PHLDB1: variants seen among roughly 807,000 people sequenced by gnomAD.
PHLDB1 encodes pleckstrin homology-like domain family B member 1.
In PHLDB1, 65 loss-of-function variants were observed where a neutral mutation model predicts 139.3. That is an observed-to-expected ratio of 0.47 (90% confidence interval 0.38 to 0.57). PHLDB1 has a LOEUF of 0.57. Ranked by LOEUF, PHLDB1 falls within the 20% of genes least tolerant of loss-of-function variation. PHLDB1 has a pLI of 0.00. For synonymous variants in PHLDB1, 679 were observed against 734.5 expected (o/e 0.92, Z 1.22); for missense variants, 1,624 against 1,839.7 (o/e 0.88, Z 2.14).
At chr11:118,646,307 C>T (rs1555128810) in intron 17 of PHLDB1, 1 of 147,762 alleles carries the variant, frequency 6.8e-6, no homozygotes, top group Non-Finnish European at 1.5e-5. Flanking sequence ...CTCAAACAGG[C>T]TTAGGGAGGC....
chr11:118,639,112 C>A (rs1303378680), intron 11 of PHLDB1, 50 bp from the exon 12 acceptor site: 9 of 1,580,280 alleles, frequency 5.7e-6, no homozygotes, highest in Non-Finnish European at 7.8e-6. Flanking sequence ...CCCCCTCACA[C>A]AGTCTCCTGG....
intron 2 of PHLDB1, 24 bp from the exon 3 acceptor site, chr11:118,614,535 G>C: frequency 6.2e-7 from 1 of 1,612,810 alleles, no homozygotes; most frequent in Non-Finnish European, 8.5e-7. Flanking sequence ...AATGATGCTT[G>C]TCCTCCACCC....
At position 118,627,376 on chromosome 11, in the gene PHLDB1, A is replaced by G. The variant is rs782215373; in HGVS notation, c.553A>G (p.Ser185Gly). The G allele has an allele frequency of 2.0e-5, 33 of 1,614,126 alleles. No individual in the cohort carries two copies. Among genetic ancestry groups the G allele is most frequent in the Non-Finnish European group, 2.8e-5 (33 of 1,179,954 alleles). Residue 185 changes from serine (S) to glycine (G), a missense_variant, in exon 6 of 23, where the codon AGC becomes GGC. By Grantham distance (56) the Ser-to-Gly change is moderately conservative. Transcript: ENST00000600882. ...TATRGPSACA[S>G]HSSLVSSIEK... is the part of the protein sequence containing the mutation. ...AACACGGGGACCCTCTGCCTGTGCC[A>G]GCCACAGTTCCCTGGTGAGCTCTAT... is the stretch of plus-strand genomic sequence containing the variant.
rs147578190 is a variant in PHLDB1 at position 118,626,917 on chromosome 11, A to G, written c.482-388A>G. On this transcript the variant is annotated intron_variant, in intron 5 of 22. Coordinates refer to ENST00000600882, the MANE Select transcript of PHLDB1 (RefSeq NM_001144758.3). ...TGATCTGCCCGCCTTGGCCTCCCCA[A>G]GTGTTGGGATTACAGGCGTGAGCCA... 8.0e-3 allele frequency: 1,764 copies of G among 219,572 alleles called. 45 individuals carry two copies. The highest frequency in any genetic ancestry group is 0.04 in the African/African-American group (1,670 of 42,276). The allele number at this position is 219,572 out of a possible 1,614,324, so 13.6% of individuals were successfully genotyped here.
At chr11:118,639,430 G>C in intron 12 of PHLDB1, 179 bp downstream of exon 12, 2 of 623,016 alleles carry the variant, frequency 3.2e-6, no homozygotes, top group Non-Finnish European at 5.8e-6. Flanking sequence ...GCTGCCAGCT[G>C]CCTCTGTTTA....
In PHLDB1 at chr11:118,614,541, C is replaced by T. The variant is rs782140217; in HGVS notation, c.61-18C>T. 7 of 1,613,038 alleles carry T rather than the reference C, an allele frequency of 4.3e-6. No individual in the cohort carries two copies. In the African/African-American group the frequency reaches 9.4e-5, roughly 22 times the overall value. ...GCTGAATCTAATGATGCTTGTCCTCCACCCGTACTACCTACAGAAAGGACC... is the reference window on the plus strand; with the variant it reads ...GCTGAATCTAATGATGCTTGTCCTCTACCCGTACTACCTACAGAAAGGACC... On this transcript the variant is annotated intron_variant, in intron 2 of 22. Coordinates refer to ENST00000600882, the MANE Select transcript of PHLDB1 (RefSeq NM_001144758.3).
intron 4 of PHLDB1, among the ~76,000 whole-genome samples, chr11:118,623,917 T>TGTGTGTGA (rs57599971): frequency 7.6e-4 from 110 of 144,382 alleles, no homozygotes; most frequent in East Asian, 6.6e-3. Context: ...TGTGTGTGTG[T>TGTGTGTGA]GAGACGGAGT....
rs1223945591 is a variant in PHLDB1, at chr11:118,610,012, T to A, written c.-22+2313T>A. 6.7e-6 allele frequency among the ~76,000 whole-genome samples: 1 copy of A among 149,220 alleles called. No homozygotes were observed. Among genetic ancestry groups the A allele is most frequent in the African/African-American group, 2.5e-5 (1 of 40,154 alleles). The stretch of plus-strand genomic sequence containing the variant: ...CCCAGCCTCCCTCTCCTTCGCCCCA[T>A]CTCCCCGCCCGTCAGCCTCCCCTCC... On this transcript the variant is annotated intron_variant, in intron 1 of 22. Coordinates refer to ENST00000600882, the MANE Select transcript of PHLDB1 (RefSeq NM_001144758.3). The surrounding 1 kb of genome is among the most constrained non-coding windows in gnomAD (Gnocchi z 8.7).
At chr11:118,630,681 T>C (rs1303749323) in intron 6 of PHLDB1, among the ~76,000 whole-genome samples, 1 of 152,146 alleles carries the variant, frequency 6.6e-6, no homozygotes. Context: ...TGCCTATTAA[T>C]GCAGGGCCAG....
At chr11:118,631,131 G>T in intron 6 of PHLDB1, 76 bp from the exon 7 acceptor site, 1 of 1,277,094 alleles carries the variant, frequency 7.8e-7, no homozygotes. Flanking sequence ...CTCCTGACAG[G>T]ATACTGAACC....
chr11:118,635,152 C>T (rs1945433321), intron 9 of PHLDB1: 1 of 582,254 alleles, frequency 1.7e-6, no homozygotes, highest in East Asian at 3.0e-5. Flanking sequence ...GCAGTACCTG[C>T]CGGACACCAG....
intron 2 of PHLDB1, 150 bp from the exon 3 acceptor site, chr11:118,614,409 T>C: frequency 1.4e-6 from 1 of 700,862 alleles, no homozygotes; most frequent in South Asian, 2.0e-5. Context: ...AGTGGAATCA[T>C]GCTCTGTGTA....
chr11:118,644,753 T>G (rs956165390), intron 15 of PHLDB1: 5 of 1,113,686 alleles, frequency 4.5e-6, no homozygotes, highest in Non-Finnish European at 6.0e-6. Context: ...GGCATCAGCA[T>G]GATGTGTCCT....
Position 118,635,555 on chromosome 11 carries a change from C to T in PHLDB1, c.2535+7C>T. ...CAGCATCGCCAAGAGGAAGGTGTGCCCCACCTCGTTCCCTGCTGCGTGCTG... is the reference window on the plus strand; with the variant it reads ...CAGCATCGCCAAGAGGAAGGTGTGCTCCACCTCGTTCCCTGCTGCGTGCTG... On this transcript the variant is annotated splice_region_variant and intron_variant, in intron 10 of 22. Coordinates refer to ENST00000600882, the MANE Select transcript of PHLDB1 (RefSeq NM_001144758.3). 1 of 1,525,098 alleles carries T rather than the reference C, an allele frequency of 6.6e-7. No homozygotes were observed. Among genetic ancestry groups the T allele is most frequent in the South Asian group, 1.3e-5 (1 of 77,322 alleles). 94.5% of individuals were successfully genotyped at this position (1,525,098 alleles called of 1,614,324 possible).
chr11:118,629,245 A>C (rs1376796930), intron 6 of PHLDB1, among the ~76,000 whole-genome samples: 1 of 152,206 alleles, frequency 6.6e-6, no homozygotes, highest in African/African-American at 2.4e-5. Flanking sequence ...GGCAGGGTAG[A>C]GGGACAGAGC....
At chr11:118,630,212 A>T in intron 6 of PHLDB1, 1 of 478,978 alleles carries the variant, frequency 2.1e-6, no homozygotes. Context: ...AGCCTCACAA[A>T]CCAGGCTTCA....
intron 9 of PHLDB1, chr11:118,634,113 G>T (rs1259944214): frequency 3.9e-5 from 6 of 152,202 alleles, no homozygotes; most frequent in African/African-American, 1.5e-4. Context: ...CCTTTGAGGG[G>T]TGACTCACCA....
intron 1 of PHLDB1, chr11:118,613,551 T>C: frequency 2.5e-6 from 2 of 801,926 alleles, no homozygotes; most frequent in Non-Finnish European, 3.4e-6. Flanking sequence ...CACAGAAGTA[T>C]AGATTGGGCC....
intron 5 of PHLDB1, among the ~76,000 whole-genome samples, chr11:118,626,406 T>A (rs1943882700): frequency 6.6e-6 from 1 of 151,992 alleles, no homozygotes; most frequent in Non-Finnish European, 1.5e-5. Context: ...TGTTTTGAGA[T>A]GGAGTCTCAC....
Sources: allele counts gnomAD v4.1 joint callset (sites outside exome capture counted in the v4.1 genomes callset), GRCh38; gene constraint gnomAD v4.1.1; non-coding constraint Gnocchi (gnomAD v3.1); transcripts MANE v1.5; gene names NCBI Gene and HGNC (gene_info 2026-07-23, HGNC 2026-07-21).